MACROD1: variants seen among roughly 807,000 people sequenced by gnomAD.
The protein encoded by MACROD1 is mono-ADP ribosylhydrolase 1, also known as ADP-ribose glycohydrolase MACROD1.
A neutral mutation model predicts 41.4 loss-of-function variants in MACROD1; 31 were observed. The ratio of observed to expected loss-of-function variants is 0.75; its 90% CI spans 0.56 to 1.01. The LOEUF (loss-of-function observed/expected upper bound fraction) is 1.01. MACROD1 is among the 50% of genes least tolerant of loss of function. The pLI is 0.00. For missense variants in MACROD1, 473 were observed against 460.0 expected, an observed-to-expected ratio of 1.03 and a Z score of -0.26; for synonymous variants, 252 against 203.4, an observed-to-expected ratio of 1.24 and a Z score of -2.03.
chr11:64,086,138 G>A (rs1187657058), intron 3 of MACROD1, among the ~76,000 whole-genome samples: 1 of 152,178 alleles, frequency 6.6e-6, no homozygotes, highest in African/African-American at 2.4e-5. Context: ...GGGTGGCTGC[G>A]CACACACAGC....
intron 4 of MACROD1, among the ~76,000 whole-genome samples, chr11:64,009,869 A>C (rs2134331649): frequency 6.6e-6 from 1 of 152,388 alleles, no homozygotes; most frequent in African/African-American, 2.4e-5. Flanking sequence ...AAAGCCCTGC[A>C]GGCCAGTCCC....
intron 4 of MACROD1, among the ~76,000 whole-genome samples, chr11:64,002,534 G>A (rs1942843364): frequency 6.6e-6 from 1 of 152,142 alleles, no homozygotes; most frequent in Non-Finnish European, 1.5e-5. Flanking sequence ...AAGCAGAGAT[G>A]AGGGACAGGT....
chr11:64,030,841 A>G (rs1194466931), intron 3 of MACROD1, among the ~76,000 whole-genome samples: 1 of 151,322 alleles, frequency 6.6e-6, no homozygotes, highest in South Asian at 2.1e-4. Context: ...GCTTGAGCTC[A>G]GGAGTTCGAA....
chr11:64,039,187 A>G (rs1341756448), intron 3 of MACROD1, among the ~76,000 whole-genome samples: 3 of 152,004 alleles, frequency 2.0e-5, no homozygotes, highest in Non-Finnish European at 4.4e-5. Flanking sequence ...GAGGCCCCTT[A>G]TAGGATGGGG....
At chr11:64,025,868 C>T (rs1472908071) in intron 3 of MACROD1, among the ~76,000 whole-genome samples, 2 of 152,018 alleles carry the variant, frequency 1.3e-5, no homozygotes, top group East Asian at 3.9e-4. Flanking sequence ...TACAGGCACA[C>T]ATCACCACAT....
At chr11:64,104,916 A>C (rs1011942758) in intron 3 of MACROD1, among the ~76,000 whole-genome samples, 6 of 152,054 alleles carry the variant, frequency 3.9e-5, no homozygotes, top group African/African-American at 1.4e-4. Flanking sequence ...CAAAAACACA[A>C]ATCCCAGCAA....
At chr11:64,016,162 G>A (rs947653569) in intron 3 of MACROD1, among the ~76,000 whole-genome samples, 2 of 152,154 alleles carry the variant, frequency 1.3e-5, no homozygotes, top group African/African-American at 2.4e-5. Context: ...CTGTCCGATC[G>A]GCTGCCCCTC....
chr11:64,155,977 A>T (rs1945661403), intron 1 of MACROD1, among the ~76,000 whole-genome samples: 1 of 151,942 alleles, frequency 6.6e-6, no homozygotes, highest in Admixed American at 6.6e-5. Context: ...GTGTGGTGGT[A>T]CATGCCTGTA....
At chr11:64,124,314 C>T (rs1195683636) in intron 3 of MACROD1, among the ~76,000 whole-genome samples, 1 of 152,216 alleles carries the variant, frequency 6.6e-6, no homozygotes, top group African/African-American at 2.4e-5. Flanking sequence ...CCAGGGCTGC[C>T]CCACGTGCAG....
At chr11:64,063,043 C>T (rs1032777245) in intron 3 of MACROD1, among the ~76,000 whole-genome samples, 36 of 152,208 alleles carry the variant, frequency 2.4e-4, no homozygotes, top group African/African-American at 8.7e-4. Flanking sequence ...ATAACTTGAG[C>T]AAAAGCACCA....
chr11:64,001,860 G>GT (rs1291998565), intron 4 of MACROD1: 1 of 675,274 alleles, frequency 1.5e-6, no homozygotes, highest in Non-Finnish European at 2.7e-6. Context: ...GCTGGGCAAC[G>GT]TGAGTTCACA....
rs559224616 is a variant in MACROD1 at position 64,143,932 on chromosome 11, T to C, written c.517+7307A>G. 9.9e-5 allele frequency among the ~76,000 whole-genome samples: 15 copies of C among 152,180 alleles called. 1 individual carries two copies. The highest frequency in any genetic ancestry group is 3.9e-4 in the East Asian group (2 of 5,184). ...CACCATTAGCACAATGAGACTGATA[T>C]AGTGCAAGAGAGATTAACTGCACAC... is the stretch of plus-strand genomic sequence containing the variant. On this transcript the variant is annotated intron_variant, in intron 3 of 10. Transcript: ENST00000255681.
At chr11:64,047,283 G>A (rs1943602334) in intron 3 of MACROD1, among the ~76,000 whole-genome samples, 1 of 152,066 alleles carries the variant, frequency 6.6e-6, no homozygotes, top group South Asian at 2.1e-4. Flanking sequence ...CGAGATAAAT[G>A]GCTTTCTTTG....
chr11:64,039,243 C>T (rs535447084), intron 3 of MACROD1, among the ~76,000 whole-genome samples: 52 of 151,092 alleles, frequency 3.4e-4, no homozygotes, highest in Admixed American at 1.8e-3. Context: ...CAAGAAGGGG[C>T]GTGGGTGTGG....
chr11:64,106,913 A>C (rs1230090530), intron 3 of MACROD1, among the ~76,000 whole-genome samples: 1 of 150,258 alleles, frequency 6.7e-6, no homozygotes, highest in Non-Finnish European at 1.5e-5. Flanking sequence ...ATAGGGTCTT[A>C]CTCTGTCACT....
At chr11:64,022,572 A>C (rs980567391) in intron 3 of MACROD1, among the ~76,000 whole-genome samples, 3 of 152,202 alleles carry the variant, frequency 2.0e-5, no homozygotes, top group Non-Finnish European at 4.4e-5. Flanking sequence ...CGTTTAAAAC[A>C]TGTTTTAGAT....
chr11:64,001,102 C>T, intron 4 of MACROD1: 1 of 343,860 alleles, frequency 2.9e-6, no homozygotes, highest in Non-Finnish European at 5.4e-6. Flanking sequence ...CCTGGGGACC[C>T]GGGCGCAGAT....
chr11:64,090,099 G>T lies in MACROD1; in HGVS notation c.517+61140C>A, dbSNP rs1944463044. On this transcript the variant is annotated intron_variant, in intron 3 of 10. Coordinates refer to ENST00000255681, the MANE Select transcript of MACROD1 (RefSeq NM_014067.4). This position sits in a 1 kb window ranked among gnomAD's most constrained non-coding sequence, Gnocchi z 4.7. ...TGAGCCCAGAACCTTCTAGAATGGGGCTGGGGGAGGGGAAGATATGCACCC... is the reference window on the plus strand; with the variant it reads ...TGAGCCCAGAACCTTCTAGAATGGGTCTGGGGGAGGGGAAGATATGCACCC... Among the ~76,000 whole-genome samples, 1 of 152,162 alleles carries T rather than the reference G, an allele frequency of 6.6e-6. No individual in the cohort carries two copies.
chr11:63,999,409 G>A lies in MACROD1; in HGVS notation c.818-5C>T, dbSNP rs779472578. 1.7e-5 allele frequency: 26 copies of A among 1,566,686 alleles called. No individual in the cohort carries two copies. The African/African-American group carries it at 2.6e-4, about 15-fold the overall frequency. On this transcript the variant is annotated splice_polypyrimidine_tract_variant and splice_region_variant and intron_variant, in intron 7 of 10. Coordinates refer to ENST00000255681, the MANE Select transcript of MACROD1 (RefSeq NM_014067.4). ...CGGCCGCCTCACAGGGGTAGCCTGA[G>A]GCGGGTGGGGCGGGAGTGAGTCCTA...
Sources: gnomAD v4.1 joint callset for allele counts (sites outside exome capture counted in the v4.1 genomes callset) on GRCh38, gnomAD v4.1.1 for gene constraint, Gnocchi (gnomAD v3.1) non-coding constraint, MANE v1.5 for transcripts, NCBI Gene and HGNC (gene_info 2026-07-23, HGNC 2026-07-21) for gene names.